Variants in STK33 observed in about 807,000 individuals in gnomAD.
STK33 encodes the protein serine/threonine kinase 33.
A neutral mutation model predicts 58.0 loss-of-function variants in STK33; 52 were observed. That is an observed-to-expected ratio of 0.90 (90% confidence interval 0.72 to 1.13). The LOEUF is 1.13. Among genes scored for constraint, STK33 ranks in the 50% most tolerant of loss-of-function variants. The pLI is 0.00. For missense variants in STK33, 630 were observed against 604.2 expected (o/e 1.04, Z -0.45); for synonymous variants, 215 against 200.1 (o/e 1.07, Z -0.63).
the STK33 span, among the ~76,000 whole-genome samples, chr11:8,365,353 C>A: frequency 2.0e-5 from 3 of 152,202 alleles, no homozygotes; most frequent in East Asian, 5.8e-4. Context: ...CCCTGCCGGA[C>A]ACCCCAGAAG....
At chr11:8,356,253 A>C in the STK33 span, among the ~76,000 whole-genome samples, 1 of 152,212 alleles carries the variant, frequency 6.6e-6, no homozygotes, top group Non-Finnish European at 1.5e-5. Flanking sequence ...AAATCCACCC[A>C]GGAGCATCCA....
chr11:8,442,833 T>C (rs1201192048), intron 11 of STK33, among the ~76,000 whole-genome samples: 1 of 152,072 alleles, frequency 6.6e-6, no homozygotes, highest in Non-Finnish European at 1.5e-5. Context: ...CTCAAAATCA[T>C]GATGTAAGAC....
At chr11:8,557,356 GGATGGAAGGAAGGAA>G (rs1956836141) in intron 1 of STK33, among the ~76,000 whole-genome samples, 1 of 133,536 alleles carries the variant, frequency 7.5e-6, no homozygotes, top group African/African-American at 3.1e-5. Context: ...GAGGAAAGAA[GGATGGAAGGAAGGAA>G]GGAAGGAAGG....
At chr11:8,470,560 C>A (rs2137704531) in intron 6 of STK33, among the ~76,000 whole-genome samples, 1 of 152,292 alleles carries the variant, frequency 6.6e-6, no homozygotes, top group East Asian at 1.9e-4. Flanking sequence ...TTAAATGGTG[C>A]AAGAGGCCTA....
the STK33 span, among the ~76,000 whole-genome samples, chr11:8,373,170 G>T: frequency 6.6e-6 from 1 of 152,196 alleles, no homozygotes; most frequent in African/African-American, 2.4e-5. Context: ...TCACAGCAAA[G>T]GTTGGGAAGC....
chr11:8,555,395 G>A (rs950702061), intron 1 of STK33, among the ~76,000 whole-genome samples: 2 of 152,174 alleles, frequency 1.3e-5, no homozygotes, highest in African/African-American at 2.4e-5. Flanking sequence ...TGGGCACTGT[G>A]GCTCCCACCT....
intron 9 of STK33, 93 bp downstream of exon 9, chr11:8,457,248 T>C (rs939225984): frequency 1.0e-5 from 12 of 1,177,782 alleles, no homozygotes; most frequent in East Asian, 2.5e-5. Context: ...GCAGGTGTTA[T>C]TTATATGACT....
chr11:8,581,686 T>A (rs904586105), intron 1 of STK33, among the ~76,000 whole-genome samples: 2 of 152,230 alleles, frequency 1.3e-5, no homozygotes, highest in African/African-American at 4.8e-5. Flanking sequence ...ACTTCCCCTA[T>A]GTGATTAATT....
the STK33 span, among the ~76,000 whole-genome samples, chr11:8,380,751 A>G: frequency 6.6e-6 from 1 of 152,196 alleles, no homozygotes; most frequent in African/African-American, 2.4e-5. Flanking sequence ...CCCAAAGGAA[A>G]ATAAATCATT....
chr11:8,362,901 T>TCTCCCTTCCTTCCTTC, the STK33 span, among the ~76,000 whole-genome samples: 55 of 49,096 alleles, frequency 1.1e-3, no homozygotes, highest in East Asian at 0.035. Context: ...TTCCTCTCTC[T>TCTCCCTTCCTTCCTTC]CTCCCTTCCT....
At chr11:8,437,840 A>G (rs1944272866) in intron 12 of STK33, among the ~76,000 whole-genome samples, 1 of 152,192 alleles carries the variant, frequency 6.6e-6, no homozygotes, top group African/African-American at 2.4e-5. Flanking sequence ...CTAAGTATTT[A>G]TCAGTATCAT....
At chr11:8,436,856 C>G (rs1363332044) in intron 12 of STK33, among the ~76,000 whole-genome samples, 2 of 152,176 alleles carry the variant, frequency 1.3e-5, no homozygotes, top group Admixed American at 1.3e-4. Context: ...CACCACCTCA[C>G]CTGGCTAGTT....
rs750020482 is a variant in STK33, at chr11:8,413,669, T to G, written c.1170A>C (p.Arg390Ser). Reference protein sequence around the residue: ...WLTGNKLSSVRPTNVLEMMKE... With the variant: ...WLTGNKLSSVSPTNVLEMMKE... ...TCATCATCTCTAATACATTGGTTGG[T>G]CTCACCGAAGAAAGTTTATTGCCCT... Residue 390 changes from arginine (R) to serine (S), a missense_variant, in exon 15 of 16, where the codon AGA (arginine) becomes AGC (serine). Transcript: ENST00000687296. 2 of 1,613,848 alleles carry G rather than the reference T, an allele frequency of 1.2e-6. No homozygotes were observed. The highest frequency in any genetic ancestry group is 3.3e-5 in the Admixed American group (2 of 59,968).
At chr11:8,522,006 A>AAAC (rs1332682298) in intron 1 of STK33, among the ~76,000 whole-genome samples, 1 of 152,088 alleles carries the variant, frequency 6.6e-6, no homozygotes, top group Non-Finnish European at 1.5e-5. Flanking sequence ...TGGAGAAAAA[A>AAAC]AACACTTTTA....
chr11:8,532,737 T>C (rs1047105810), intron 1 of STK33, among the ~76,000 whole-genome samples: 8 of 152,300 alleles, frequency 5.3e-5, no homozygotes, highest in East Asian at 1.9e-4. Flanking sequence ...TCTACACACA[T>C]TGAAAGGGTA....
At chr11:8,518,811 C>A (rs559317109) in intron 1 of STK33, among the ~76,000 whole-genome samples, 1 of 152,156 alleles carries the variant, frequency 6.6e-6, no homozygotes, top group Non-Finnish European at 1.5e-5. Flanking sequence ...TATATATGCA[C>A]CTAATACAGG....
intron 1 of STK33, among the ~76,000 whole-genome samples, chr11:8,529,577 CTGT>C (rs1954347246): frequency 1.3e-5 from 2 of 151,988 alleles, no homozygotes; most frequent in African/African-American, 4.8e-5. Flanking sequence ...TGGCAAAAAG[CTGT>C]TGTTGATGTG....
the STK33 span, among the ~76,000 whole-genome samples, chr11:8,363,184 TG>T: frequency 6.6e-6 from 1 of 151,990 alleles, no homozygotes; most frequent in East Asian, 1.9e-4. Context: ...GCCGGATTAC[TG>T]GGGGCGGGCG....
At chr11:8,439,816 C>T (rs117381436) in intron 12 of STK33, among the ~76,000 whole-genome samples, 6,835 of 140,102 alleles carry the variant, frequency 0.049, 237 homozygotes, top group Non-Finnish European at 0.066. Context: ...GACACTTCTC[C>T]GTATACAAAT....
Sources: allele counts gnomAD v4.1 joint callset (sites outside exome capture counted in the v4.1 genomes callset), GRCh38; gene constraint gnomAD v4.1.1; transcripts MANE v1.5; gene names NCBI Gene and HGNC (gene_info 2026-07-23, HGNC 2026-07-21).